STXBP5L: variants seen among roughly 807,000 people sequenced by gnomAD.
STXBP5L encodes syntaxin binding protein 5L.
STXBP5L carries 65 observed loss-of-function variants against 144.5 expected under a neutral mutation model. The ratio of observed to expected loss-of-function variants is 0.45; its 90% CI spans 0.37 to 0.55. STXBP5L has a LOEUF of 0.55. Ranked by LOEUF, STXBP5L falls within the 20% of genes least tolerant of loss-of-function variation. The pLI, the probability that STXBP5L is intolerant of heterozygous loss-of-function variation, is 0.00. For missense variants in STXBP5L, 1,298 were observed against 1,405.5 expected (o/e 0.92, Z 1.22); for synonymous variants, 505 against 469.6 (o/e 1.08, Z -0.97).
At chr3:121,140,600 C>T (rs1292271146) in intron 7 of STXBP5L, among the ~76,000 whole-genome samples, 1 of 152,050 alleles carries the variant, frequency 6.6e-6, no homozygotes, top group Non-Finnish European at 1.5e-5. Flanking sequence ...CATGGATGAA[C>T]CTGGAGGACC....
intron 20 of STXBP5L, among the ~76,000 whole-genome samples, chr3:121,367,835 G>A (rs1168689195): frequency 1.1e-4 from 13 of 113,462 alleles, no homozygotes; most frequent in Admixed American, 1.0e-3. Flanking sequence ...ATGTTGCCCA[G>A]GATGGTCTCA....
chr3:121,179,664 G>A (rs1019117489), intron 9 of STXBP5L, among the ~76,000 whole-genome samples: 11 of 151,954 alleles, frequency 7.2e-5, no homozygotes, highest in South Asian at 4.1e-4. Context: ...AGGTGAAAAC[G>A]AACTTAAAGA....
At position 120,990,713 on chromosome 3, in the gene STXBP5L, AAAAC is replaced by A. The variant is rs1942761902; in HGVS notation, c.287+35679_287+35682del. 2.0e-5 allele frequency among the ~76,000 whole-genome samples: 3 copies of A among 152,218 alleles called. No individual in the cohort carries two copies. The South Asian group carries it at 6.2e-4, about 32-fold the overall frequency. On this transcript the variant is annotated intron_variant, in intron 3 of 26. Transcript: ENST00000471454. The stretch of plus-strand genomic sequence containing the variant: ...TATCTGATCTTTGACAAACGTGACA[AAAAC>A]AAGAAATGGGGAAAAGATTCCTTAT...
chr3:121,182,518 G>T (rs1266647424), intron 9 of STXBP5L, among the ~76,000 whole-genome samples: 1 of 152,032 alleles, frequency 6.6e-6, no homozygotes, highest in African/African-American at 2.4e-5. Flanking sequence ...ATAAAGCAAA[G>T]CTGTGCTAAT....
intron 9 of STXBP5L, among the ~76,000 whole-genome samples, chr3:121,161,479 C>G (rs1279641044): frequency 6.6e-6 from 1 of 151,746 alleles, no homozygotes; most frequent in Admixed American, 6.6e-5. Context: ...CTTTTATTTT[C>G]AGCAATTTGA....
At chr3:121,346,799 G>A (rs1464450044) in intron 20 of STXBP5L, among the ~76,000 whole-genome samples, 2 of 152,250 alleles carry the variant, frequency 1.3e-5, no homozygotes, top group African/African-American at 4.8e-5. Context: ...TGATGGAGTT[G>A]TTTGTTGTTT....
At chr3:121,008,136 G>A (rs893257597) in intron 3 of STXBP5L, among the ~76,000 whole-genome samples, 1 of 151,860 alleles carries the variant, frequency 6.6e-6, no homozygotes, top group African/African-American at 2.4e-5. Flanking sequence ...TACTTGTTAA[G>A]CTGTGCTTTC....
chr3:121,233,574 T>A (rs779495413), intron 11 of STXBP5L, 42 bp from the exon 12 acceptor site: 6 of 1,490,342 alleles, frequency 4.0e-6, no homozygotes, highest in Non-Finnish European at 4.6e-6. Context: ...TTTTATAGTA[T>A]ATACAATATG....
chr3:121,420,743 AC>A lies in STXBP5L; in HGVS notation c.*1647del. 1 of 152,256 alleles carries A rather than the reference AC, an allele frequency of 6.6e-6. No homozygotes were observed. The highest frequency in any genetic ancestry group is 6.5e-5 in the Admixed American group (1 of 15,292). The allele number at this position is 152,256 out of a possible 1,614,324, so 9.4% of individuals were successfully genotyped here. A position where few individuals can be genotyped will look rare whatever the true frequency, so the allele number is the denominator to read the frequency against. On this transcript the variant is annotated 3_prime_UTR_variant, in exon 27 of 27. Coordinates refer to ENST00000471454, the MANE Select transcript of STXBP5L (RefSeq NM_001308330.2). Reference sequence around the variant, plus strand: ...TTACATTTGTGTTTCTTAAGACTTCACAATTTTCCTGGATTTCAGGTTATTT... The same window carrying A: ...TTACATTTGTGTTTCTTAAGACTTCAAATTTTCCTGGATTTCAGGTTATTT...
At chr3:121,390,975 T>C (rs570257330) in intron 22 of STXBP5L, among the ~76,000 whole-genome samples, 3 of 152,212 alleles carry the variant, frequency 2.0e-5, no homozygotes, top group Non-Finnish European at 4.4e-5. Flanking sequence ...CCCTGAAGAG[T>C]GTTTTCCAAC....
rs577167293 is a variant in STXBP5L, at chr3:121,063,515, C to T, written c.470+17980C>T. 5.9e-5 allele frequency among the ~76,000 whole-genome samples: 9 copies of T among 152,332 alleles called. No homozygotes were observed. In the East Asian group the frequency reaches 1.5e-3, roughly 26 times the overall value. ...GGAGGCAGTCTGTCCCTTAGCAGAGCTTGAGCACTGTGCTGGGAGATCTCT... is the reference window on the plus strand; with the variant it reads ...GGAGGCAGTCTGTCCCTTAGCAGAGTTTGAGCACTGTGCTGGGAGATCTCT... On this transcript the variant is annotated intron_variant, in intron 5 of 26. Coordinates refer to ENST00000471454, the MANE Select transcript of STXBP5L (RefSeq NM_001308330.2).
At chr3:121,145,944 A>G (rs942726677) in intron 7 of STXBP5L, among the ~76,000 whole-genome samples, 1 of 152,044 alleles carries the variant, frequency 6.6e-6, no homozygotes, top group African/African-American at 2.4e-5. Flanking sequence ...GGATAGAACA[A>G]AAAAGACGAA....
chr3:121,002,002 A>G (rs1298692937), intron 3 of STXBP5L, among the ~76,000 whole-genome samples: 1 of 152,240 alleles, frequency 6.6e-6, no homozygotes. Context: ...TATAATGAAT[A>G]ATGCTTTAAT....
At chr3:121,321,575 G>T (rs1461501782) in intron 20 of STXBP5L, among the ~76,000 whole-genome samples, 1 of 152,296 alleles carries the variant, frequency 6.6e-6, no homozygotes, top group African/African-American at 2.4e-5. Flanking sequence ...CTGAGGTGGG[G>T]CCTGAGATTT....
intron 2 of STXBP5L, among the ~76,000 whole-genome samples, chr3:120,945,384 T>C (rs1030571409): frequency 6.6e-6 from 1 of 151,882 alleles, no homozygotes; most frequent in African/African-American, 2.4e-5. Flanking sequence ...GGTATTATTA[T>C]TATTTTCTAT....
Position 121,310,912 on chromosome 3 carries a change from A to G in STXBP5L, c.2111-7563A>G, listed in dbSNP as rs1016461441. ...CAACAGAGCAAGACTCTGTCTCAAA[A>G]AAAAAAAGACACCATTAAGCAAATT... On this transcript the variant is annotated intron_variant, in intron 19 of 26. Coordinates refer to ENST00000471454, the MANE Select transcript of STXBP5L (RefSeq NM_001308330.2). 3.9e-5 allele frequency among the ~76,000 whole-genome samples: 6 copies of G among 152,148 alleles called. No homozygotes were observed. In the South Asian group the frequency reaches 1.2e-3, roughly 32 times the overall value.
rs377693029 is a variant in STXBP5L at position 121,152,542 on chromosome 3, G to T, written c.735G>T (p.Leu245=). The T allele has an allele frequency of 6.2e-7, 1 of 1,607,168 alleles. No homozygotes were observed. The stretch of plus-strand genomic sequence containing the variant: ...ACTTGAAATCTAAAAGAGCAGAACT[G>T]AGAGTTTATTATGATGAGGTAAGTG... ...FWDLKSKRAE[L]RVYYDEAIHS... The change falls in exon 8 of 27, where the codon CTG becomes CTT. Residue 245 remains leucine (L), a synonymous_variant. Transcript: ENST00000471454.
chr3:121,216,705 G>A (rs139585578), intron 10 of STXBP5L, among the ~76,000 whole-genome samples: 2,526 of 152,314 alleles, frequency 0.017, 64 homozygotes, highest in African/African-American at 0.057. Flanking sequence ...AGCAGAGCTC[G>A]AGCACTGTGC....
At chr3:121,085,602 A>G (rs2042450832) in intron 5 of STXBP5L, among the ~76,000 whole-genome samples, 1 of 152,204 alleles carries the variant, frequency 6.6e-6, no homozygotes, top group Non-Finnish European at 1.5e-5. Flanking sequence ...TAAAATATCT[A>G]GGAATATAGC....
Sources: allele counts gnomAD v4.1 joint callset (sites outside exome capture counted in the v4.1 genomes callset), GRCh38; gene constraint gnomAD v4.1.1; transcripts MANE v1.5; gene names NCBI Gene and HGNC (gene_info 2026-07-23, HGNC 2026-07-21).